MAP4K4: variants seen among roughly 807,000 people sequenced by gnomAD.
The protein encoded by MAP4K4 is mitogen-activated protein kinase kinase kinase kinase 4, also known as HPK/GCK-like kinase HGK.
MAP4K4 carries 38 observed loss-of-function variants against 189.6 expected under a neutral mutation model. The ratio of observed to expected loss-of-function variants is 0.20; its 90% CI spans 0.15 to 0.26. The LOEUF is 0.26. Ranked by LOEUF, MAP4K4 falls within the 10% of genes least tolerant of loss-of-function variation. The pLI is 1.00. For synonymous variants in MAP4K4, 610 were observed against 624.3 expected, an observed-to-expected ratio of 0.98 and a Z score of 0.34; for missense variants, 1,054 against 1,726.9, an observed-to-expected ratio of 0.61 and a Z score of 6.91.
chr2:101,765,042 G>A (rs145361882), intron 2 of MAP4K4, among the ~76,000 whole-genome samples: 14 of 152,286 alleles, frequency 9.2e-5, no homozygotes, highest in East Asian at 5.8e-4. Context: ...AGGTAAACTT[G>A]AGGATAAAGG....
chr2:101,788,699 A>G (rs1273445990), intron 2 of MAP4K4, among the ~76,000 whole-genome samples: 3 of 152,032 alleles, frequency 2.0e-5, no homozygotes, highest in East Asian at 1.9e-4. Flanking sequence ...AGTAAGGGAA[A>G]CTCATGTTTT....
intron 2 of MAP4K4, among the ~76,000 whole-genome samples, chr2:101,723,826 ACTT>A (rs1336400140): frequency 6.6e-6 from 1 of 152,088 alleles, no homozygotes; most frequent in Non-Finnish European, 1.5e-5. Flanking sequence ...AACTAGTGAA[ACTT>A]CTTGTTTCGG....
At chr2:101,746,211 C>G (rs1243154777) in intron 2 of MAP4K4, among the ~76,000 whole-genome samples, 2 of 151,546 alleles carry the variant, frequency 1.3e-5, no homozygotes, top group Non-Finnish European at 2.9e-5. Context: ...TGGTCTTCAA[C>G]TCCTGGGCTC....
At chr2:101,856,585 T>A (rs1157513118) in intron 13 of MAP4K4, among the ~76,000 whole-genome samples, 1 of 152,338 alleles carries the variant, frequency 6.6e-6, no homozygotes, top group Non-Finnish European at 1.5e-5. Context: ...TATATCAGCA[T>A]GTAATTCTGT....
chr2:101,699,706 A>G (rs2037120457), intron 2 of MAP4K4, among the ~76,000 whole-genome samples: 1 of 152,060 alleles, frequency 6.6e-6, no homozygotes, highest in Non-Finnish European at 1.5e-5. Context: ...TATCACTTGA[A>G]CGCCTCTCCT....
chr2:101,816,431 ATT>A (rs2095719181), intron 3 of MAP4K4, among the ~76,000 whole-genome samples: 1 of 152,148 alleles, frequency 6.6e-6, no homozygotes, highest in Non-Finnish European at 1.5e-5. Context: ...CCTTGTTGCC[ATT>A]CCTTTCTTGG....
chr2:101,710,989 T>A (rs915589563), intron 2 of MAP4K4, among the ~76,000 whole-genome samples: 53 of 152,210 alleles, frequency 3.5e-4, no homozygotes, highest in Non-Finnish European at 2.8e-4. Context: ...CATTTGAATC[T>A]CCTGTATCAG....
chr2:101,865,973 C>G (rs556701837), intron 18 of MAP4K4, among the ~76,000 whole-genome samples: 1 of 152,184 alleles, frequency 6.6e-6, no homozygotes, highest in Admixed American at 6.5e-5. Context: ...CTTTCTGTAC[C>G]GTTTCCAACA....
At chr2:101,842,331 C>T (rs996755651) in intron 10 of MAP4K4, among the ~76,000 whole-genome samples, 1 of 152,264 alleles carries the variant, frequency 6.6e-6, no homozygotes, top group Non-Finnish European at 1.5e-5. Context: ...GATCCCCTCT[C>T]GTGGTCCTGC....
At chr2:101,791,059 C>G (rs545552481) in intron 3 of MAP4K4, among the ~76,000 whole-genome samples, 1 of 152,118 alleles carries the variant, frequency 6.6e-6, no homozygotes, top group African/African-American at 2.4e-5. Context: ...TTGGAAACAT[C>G]TTCTCTAATG....
chr2:101,741,582 C>T (rs776052659), intron 2 of MAP4K4, among the ~76,000 whole-genome samples: 13 of 152,036 alleles, frequency 8.6e-5, no homozygotes, highest in Non-Finnish European at 1.9e-4. Context: ...CCCGCTCCAG[C>T]CCCCAACCTT....
chr2:101,769,323 C>T (rs1200771841), intron 2 of MAP4K4, among the ~76,000 whole-genome samples: 1 of 152,100 alleles, frequency 6.6e-6, no homozygotes, highest in East Asian at 1.9e-4. Context: ...GAATATTCAG[C>T]AAGGTAAGGT....
intron 2 of MAP4K4, among the ~76,000 whole-genome samples, chr2:101,754,879 G>T (rs551596326): frequency 2.5e-4 from 38 of 152,312 alleles, no homozygotes; most frequent in Admixed American, 2.3e-3. Flanking sequence ...GTGTGAAGAT[G>T]AGGGGAAGGA....
At chr2:101,803,790 G>A (rs184639090) in intron 3 of MAP4K4, among the ~76,000 whole-genome samples, 31 of 152,078 alleles carry the variant, frequency 2.0e-4, no homozygotes, top group Non-Finnish European at 4.3e-4. Context: ...TTAGAGAAAC[G>A]GACCCCCCCT....
rs1450120704 is a variant in MAP4K4 at position 101,888,951 on chromosome 2, T to C, written c.4071+16T>C. The C allele has an allele frequency of 1.2e-6, 2 of 1,601,608 alleles. No individual in the cohort carries two copies. Among genetic ancestry groups the C allele is most frequent in the Non-Finnish European group, 1.7e-6 (2 of 1,174,430 alleles). On this transcript the variant is annotated intron_variant, in intron 32 of 32. Coordinates refer to ENST00000324219, the Ensembl canonical transcript of MAP4K4. ...CAATGACAAGGTAATAGTTCCCTTA[T>C]GGATTCTTTTTAGTTGCTCTATCTT...
At chr2:101,888,169 A>G (rs1029906299) in intron 31 of MAP4K4, among the ~76,000 whole-genome samples, 8 of 152,194 alleles carry the variant, frequency 5.3e-5, no homozygotes, top group Non-Finnish European at 1.0e-4. Flanking sequence ...TATTATCATA[A>G]TCTCTCATTT....
rs57278834 is a variant in MAP4K4, at chr2:101,704,567, A to ATT, written c.123+6051_123+6052dup. Among the ~76,000 whole-genome samples, 82 of 23,396 alleles carry ATT rather than the reference A, an allele frequency of 3.5e-3. 3 individuals are homozygous for ATT. Among genetic ancestry groups the ATT allele is most frequent in the Non-Finnish European group, 4.5e-3 (70 of 15,412 alleles). 15.3% of individuals were successfully genotyped at this position (23,396 alleles called of 152,430 possible). A position where few individuals can be genotyped will look rare whatever the true frequency, so the allele number is the denominator to read the frequency against. On this transcript the variant is annotated intron_variant, in intron 2 of 32. Coordinates refer to ENST00000324219, the Ensembl canonical transcript of MAP4K4. ...TATATATATATATATATATATATAT[A>ATT]TTTTTTTTTTTTTTTTTTTTTTTGA...
intron 2 of MAP4K4, among the ~76,000 whole-genome samples, chr2:101,767,047 T>C (rs1558817163): frequency 6.6e-6 from 1 of 152,166 alleles, no homozygotes; most frequent in Non-Finnish European, 1.5e-5. Context: ...CTGCAGTCAG[T>C]CTTATTGGTC....
At chr2:101,825,245 G>A in intron 4 of MAP4K4, 74 bp from the exon 5 acceptor site, 1 of 800,806 alleles carries the variant, frequency 1.2e-6, no homozygotes, top group Non-Finnish European at 2.1e-6. Context: ...GAAAAGAGAG[G>A]GCATGGCGGT....
Sources: gnomAD v4.1 joint callset for allele counts (sites outside exome capture counted in the v4.1 genomes callset) on GRCh38, gnomAD v4.1.1 for gene constraint, MANE v1.5 for transcripts, NCBI Gene and HGNC (gene_info 2026-07-23, HGNC 2026-07-21) for gene names.